ATP2B4: variants seen among roughly 807,000 people sequenced by gnomAD.
ATP2B4 encodes the protein plasma membrane calcium-transporting ATPase 4.
A neutral mutation model predicts 110.3 loss-of-function variants in ATP2B4; 39 were observed. The observed-to-expected ratio is 0.35, with a 90% CI of 0.27 to 0.46. The LOEUF (loss-of-function observed/expected upper bound fraction) is 0.46, where lower values mean the gene tolerates loss of function less well. Ranked by LOEUF, ATP2B4 falls within the 20% of genes least tolerant of loss-of-function variation. The probability of loss-of-function intolerance (pLI) is 1.00; values close to 1 mark genes in which losing one functional copy is unlikely to be tolerated. For missense variants in ATP2B4, 1,135 were observed against 1,530.9 expected (o/e 0.74, Z 4.32); for synonymous variants, 538 against 571.7 (o/e 0.94, Z 0.84).
chr1:203,666,833 T>G (rs913069945), intron 1 of ATP2B4, among the ~76,000 whole-genome samples: 2 of 152,186 alleles, frequency 1.3e-5, no homozygotes, highest in African/African-American at 2.4e-5. Context: ...GAACCAAACT[T>G]CTGTTTGTGG....
At chr1:203,709,257 C>A in intron 10 of ATP2B4, 44 bp from the exon 11 acceptor site, 1 of 1,608,690 alleles carries the variant, frequency 6.2e-7, no homozygotes, top group South Asian at 1.1e-5. Context: ...TCTGCCTTGT[C>A]AAGGCATCTT....
Position 203,632,433 on chromosome 1 carries a change from G to A in ATP2B4, c.-465+5214G>A, listed in dbSNP as rs148512840. On this transcript the variant is annotated intron_variant, in intron 1 of 20. Transcript: ENST00000357681. The stretch of plus-strand genomic sequence containing the variant: ...ATCTCGGCTCACTGCAAGCTCTGCC[G>A]CCCGGGTTCACGCCATTCTCCTGCC... Among the ~76,000 whole-genome samples, 74 of 150,440 alleles carry A rather than the reference G, an allele frequency of 4.9e-4. 1 individual carries two copies. The East Asian group carries it at 0.014, about 28-fold the overall frequency.
intron 1 of ATP2B4, among the ~76,000 whole-genome samples, chr1:203,638,882 A>C (rs1663543496): frequency 6.6e-6 from 1 of 152,208 alleles, no homozygotes; most frequent in South Asian, 2.1e-4. Context: ...GGTCATTAGC[A>C]CACAGAAAAT....
intron 1 of ATP2B4, among the ~76,000 whole-genome samples, chr1:203,673,046 G>T (rs1161167963): frequency 6.6e-6 from 1 of 152,230 alleles, no homozygotes; most frequent in Non-Finnish European, 1.5e-5. Flanking sequence ...GGAGAGGGAA[G>T]AGTGAAGGAG....
chr1:203,663,231 T>TA (rs1664402307), intron 1 of ATP2B4, among the ~76,000 whole-genome samples: 1 of 152,224 alleles, frequency 6.6e-6, no homozygotes, highest in Admixed American at 6.5e-5. Context: ...TAGGCCTTCT[T>TA]AATATGGGTG....
At position 203,722,632 on chromosome 1, in the gene ATP2B4, A is replaced by C. The variant is rs772923928; in HGVS notation, c.2967A>C (p.Ser989=). ...TCCATGGAGAGAAGAACGTCTTTTC[A>C]GGCATCTACCGCAACATTATCTTCT... ...RKIHGEKNVF[S]GIYRNIIFCS... The change falls in exon 18 of 21, where the codon TCA becomes TCC. Residue 989 remains serine, a synonymous_variant. Transcript: ENST00000357681. The C allele has an allele frequency of 6.2e-7, 1 of 1,614,202 alleles. No individual in the cohort carries two copies. The highest frequency in any genetic ancestry group is 8.5e-7 in the Non-Finnish European group (1 of 1,180,034).
At chr1:203,723,194 A>T (rs1666387951) in intron 18 of ATP2B4, among the ~76,000 whole-genome samples, 1 of 151,580 alleles carries the variant, frequency 6.6e-6, no homozygotes, top group African/African-American at 2.4e-5. Flanking sequence ...ATATGAGACT[A>T]TGAGCTGATC....
chr1:203,720,186 A>G (rs11808688), intron 15 of ATP2B4, among the ~76,000 whole-genome samples: 35,446 of 152,136 alleles, frequency 0.23, 4,717 homozygotes, highest in East Asian at 0.54. Context: ...GTGTCGGAAT[A>G]ACATGGGCTT....
At chr1:203,717,626 T>TTTTATTTATTTATTTATTTATTTA (rs113515512) in intron 15 of ATP2B4, among the ~76,000 whole-genome samples, 26 of 144,226 alleles carry the variant, frequency 1.8e-4, no homozygotes, top group East Asian at 4.1e-4. Context: ...ATGGTATTTA[T>TTTTATTTATTTATTTATTTATTTA]TTTATTTATT....
Position 203,708,110 on chromosome 1 carries a change from C to A in ATP2B4, c.1557+6C>A. On this transcript the variant is annotated splice_donor_region_variant and intron_variant, in intron 10 of 20. Transcript: ENST00000357681. ...CTTATACCTCCAAGATTCTGGTAAG[C>A]ATTTCCTTTGCGTAGACACTTAGAG... 6.2e-7 allele frequency: 1 copy of A among 1,614,164 alleles called. No homozygotes were observed. Among genetic ancestry groups the A allele is most frequent in the Non-Finnish European group, 8.5e-7 (1 of 1,179,976 alleles).
chr1:203,631,826 G>A (rs554047347), intron 1 of ATP2B4, among the ~76,000 whole-genome samples: 4 of 152,068 alleles, frequency 2.6e-5, no homozygotes, highest in Non-Finnish European at 5.9e-5. Flanking sequence ...ACAGAGTCTC[G>A]CTCTGTCGCC....
At chr1:203,727,277 A>T in intron 19 of ATP2B4, 118 bp from the exon 20 acceptor site, 1 of 1,188,228 alleles carries the variant, frequency 8.4e-7, no homozygotes, top group South Asian at 1.5e-5. Context: ...CTGCTCTTCC[A>T]GTGGGAAGGG....
intron 1 of ATP2B4, among the ~76,000 whole-genome samples, chr1:203,644,323 C>T (rs1663726173): frequency 6.8e-6 from 1 of 147,866 alleles, no homozygotes; most frequent in Non-Finnish European, 1.5e-5. Context: ...TTTCTCTAAA[C>T]AAACAGACCA....
intron 15 of ATP2B4, among the ~76,000 whole-genome samples, chr1:203,719,819 C>G (rs1571760938): frequency 6.6e-6 from 1 of 151,960 alleles, no homozygotes; most frequent in East Asian, 1.9e-4. Context: ...ATTTTTCTAC[C>G]TTTCTTTCTT....
rs1344536479 is a variant in ATP2B4, at chr1:203,743,924, A to T, written c.*4070A>T. ...TTCTTAGGGAAAAAAAATGCTATAAACTGCAAATCTGAAATTCAAATGTGT... is the reference window on the plus strand; with the variant it reads ...TTCTTAGGGAAAAAAAATGCTATAATCTGCAAATCTGAAATTCAAATGTGT... On this transcript the variant is annotated 3_prime_UTR_variant, in exon 21 of 21. Coordinates refer to ENST00000357681, the MANE Select transcript of ATP2B4 (RefSeq NM_001684.5). 6.6e-6 allele frequency: 1 copy of T among 152,636 alleles called. No homozygotes were observed. Among genetic ancestry groups the T allele is most frequent in the Non-Finnish European group, 1.5e-5 (1 of 68,042 alleles). 9.5% of individuals were successfully genotyped at this position (152,636 alleles called of 1,614,324 possible).
chr1:203,684,896 G>T (rs10900585), intron 2 of ATP2B4, among the ~76,000 whole-genome samples: 124,668 of 152,068 alleles, frequency 0.82, 52,086 homozygotes, highest in East Asian at 0.97. Context: ...TCTCACTCTT[G>T]TTGCCCAGGC....
chr1:203,712,855 A>G (rs1252121329), intron 13 of ATP2B4, among the ~76,000 whole-genome samples: 1 of 151,936 alleles, frequency 6.6e-6, no homozygotes, highest in East Asian at 1.9e-4. Context: ...CAGAAGCACC[A>G]CTTTACCCAC....
At position 203,722,539 on chromosome 1, in the gene ATP2B4, G is replaced by A. The variant is rs1348856093; in HGVS notation, c.2874G>A (p.Gln958=). 1.2e-6 allele frequency: 2 copies of A among 1,614,022 alleles called. No individual in the cohort carries two copies. The highest frequency in any genetic ancestry group is 1.7e-6 in the Non-Finnish European group (2 of 1,180,022). ...RKAPLHSPPS[Q]HYTIVFNTFV... is the part of the protein sequence containing the mutation. ...CACCTCTACATTCACCACCCAGCCA[G>A]CACTATACCATTGTTTTTAACACCT... is the stretch of plus-strand genomic sequence containing the variant. The change falls in exon 18 of 21, where the codon CAG becomes CAA. Residue 958 remains glutamine (Q), a synonymous_variant. Coordinates refer to ENST00000357681, the MANE Select transcript of ATP2B4 (RefSeq NM_001684.5).
chr1:203,654,614 G>T (rs562946728), intron 1 of ATP2B4, among the ~76,000 whole-genome samples: 1 of 152,328 alleles, frequency 6.6e-6, no homozygotes, highest in South Asian at 2.1e-4. Context: ...CAAGGGCTGG[G>T]AATGGTGGCT....
Sources: allele counts gnomAD v4.1 joint callset (sites outside exome capture counted in the v4.1 genomes callset), GRCh38; gene constraint gnomAD v4.1.1; transcripts MANE v1.5; gene names NCBI Gene and HGNC (gene_info 2026-07-23, HGNC 2026-07-21).